Variants in EIF3A observed in about 807,000 individuals in gnomAD.
The protein encoded by EIF3A is eukaryotic translation initiation factor 3 subunit A, also known as EIF3, p180 subunit.
Under a neutral mutation model 186.6 loss-of-function variants are expected in EIF3A, and 21 were observed. The observed-to-expected ratio is 0.11, with a 90% confidence interval of 0.08 to 0.16. The LOEUF (loss-of-function observed/expected upper bound fraction) is 0.16. Among genes scored for constraint, EIF3A ranks in the 10% least tolerant of loss-of-function variants. EIF3A has a pLI of 1.00. For synonymous variants in EIF3A, 563 were observed against 584.3 expected, an observed-to-expected ratio of 0.96 and a Z score of 0.52; for missense variants, 1,306 against 1,796.3, an observed-to-expected ratio of 0.73 and a Z score of 4.93.
intron 18 of EIF3A, 51 bp downstream of exon 18, chr10:119,044,003 T>G: frequency 1.5e-6 from 2 of 1,318,074 alleles, no homozygotes; most frequent in Non-Finnish European, 2.2e-6. Flanking sequence ...AAACCACTGA[T>G]AAGATATTAA....
chr10:119,062,366 C>G (rs1358466100), intron 7 of EIF3A, among the ~76,000 whole-genome samples: 2 of 152,208 alleles, frequency 1.3e-5, no homozygotes, highest in Non-Finnish European at 2.9e-5. Flanking sequence ...TTAAAAGTCA[C>G]TCTTAGGAAT....
At chr10:119,074,977 T>C (rs1451231985) in intron 1 of EIF3A, among the ~76,000 whole-genome samples, 1 of 49,100 alleles carries the variant, frequency 2.0e-5, no homozygotes, top group Admixed American at 3.7e-4. Context: ...AATAACTTAT[T>C]TTTTTTCTTT....
At chr10:119,058,952 T>A (rs1262762701) in intron 11 of EIF3A, among the ~76,000 whole-genome samples, 1 of 152,178 alleles carries the variant, frequency 6.6e-6, no homozygotes, top group African/African-American at 2.4e-5. Context: ...ATTTGAGGAA[T>A]CCTATGTCCA....
At chr10:119,059,780 A>G in intron 9 of EIF3A, 62 bp from the exon 10 acceptor site, 3 of 1,059,744 alleles carry the variant, frequency 2.8e-6, no homozygotes, top group African/African-American at 1.6e-5. Flanking sequence ...TTTTATGTGC[A>G]ATCTCATGAC....
intron 1 of EIF3A, among the ~76,000 whole-genome samples, chr10:119,078,523 TTA>T (rs1205940261): frequency 6.6e-6 from 1 of 152,132 alleles, no homozygotes; most frequent in Admixed American, 6.5e-5. Flanking sequence ...GATCCTTCAC[TTA>T]TGTTTTGGAA....
intron 6 of EIF3A, among the ~76,000 whole-genome samples, chr10:119,067,607 A>G (rs1265070796): frequency 1.3e-5 from 2 of 152,214 alleles, no homozygotes; most frequent in East Asian, 3.8e-4. Context: ...GGAAAGAAAG[A>G]CCGTATCAGA....
chr10:119,050,982 A>G (rs1848348876), intron 15 of EIF3A, among the ~76,000 whole-genome samples: 1 of 152,248 alleles, frequency 6.6e-6, no homozygotes, highest in Admixed American at 6.5e-5. Flanking sequence ...CAAAAACAGT[A>G]AACAAAACTT....
At chr10:119,070,209 C>A (rs140078193) in intron 5 of EIF3A, among the ~76,000 whole-genome samples, 1 of 152,156 alleles carries the variant, frequency 6.6e-6, no homozygotes, top group African/African-American at 2.4e-5. Context: ...ATACAAAAGA[C>A]TTCAAGGTCA....
chr10:119,077,515 G>T lies in EIF3A; in HGVS notation c.49+3113C>A, dbSNP rs139420304. Among the ~76,000 whole-genome samples, 10 of 151,550 alleles carry T rather than the reference G, an allele frequency of 6.6e-5. No individual in the cohort carries two copies. The East Asian group carries it at 1.9e-3, about 29-fold the overall frequency. ...CATAATCCATGACAGTGAGTCTTCT[G>T]CCTTTGTCCTAATTTATATACAAGA... is the stretch of plus-strand genomic sequence containing the variant. On this transcript the variant is annotated intron_variant, in intron 1 of 21. Transcript: ENST00000369144.
intron 6 of EIF3A, among the ~76,000 whole-genome samples, chr10:119,068,544 T>C (rs1294713389): frequency 6.6e-6 from 1 of 151,868 alleles, no homozygotes; most frequent in Admixed American, 6.6e-5. Context: ...GGCATGGTGG[T>C]GCACACCTGT....
chr10:119,043,158 C>A (rs550967727), intron 18 of EIF3A, among the ~76,000 whole-genome samples: 34 of 152,252 alleles, frequency 2.2e-4, no homozygotes, highest in African/African-American at 7.5e-4. Flanking sequence ...GTGGCCCACA[C>A]CTGTAATCCC....
At chr10:119,073,290 TAC>T in intron 3 of EIF3A, 149 bp downstream of exon 3, 2 of 687,536 alleles carry the variant, frequency 2.9e-6, no homozygotes, top group South Asian at 4.2e-5. Flanking sequence ...TTTTATTACC[TAC>T]ATAAATTAAC....
chr10:119,039,808 G>A (rs766685570), intron 19 of EIF3A, among the ~76,000 whole-genome samples: 2 of 152,128 alleles, frequency 1.3e-5, no homozygotes, highest in Non-Finnish European at 2.9e-5. Flanking sequence ...CAATGGTAAT[G>A]AATCAACAAC....
chr10:119,059,160 G>A (rs764981750), intron 11 of EIF3A, 52 bp downstream of exon 11: 20 of 1,464,730 alleles, frequency 1.4e-5, no homozygotes, highest in African/African-American at 1.1e-4. Flanking sequence ...ATGGCATGGC[G>A]TTAAGAGTCC....
rs1327755980 is a variant in EIF3A at position 119,034,883 on chromosome 10, G to A, written c.*1156C>T. The A allele has an allele frequency of 1.3e-5, 2 of 152,292 alleles. No individual in the cohort carries two copies. The highest frequency in any genetic ancestry group is 1.9e-4 in the East Asian group (1 of 5,202). 9.4% of individuals were successfully genotyped at this position (152,292 alleles called of 1,614,324 possible). On this transcript the variant is annotated 3_prime_UTR_variant, in exon 22 of 22. Transcript: ENST00000369144. The stretch of plus-strand genomic sequence containing the variant: ...GAAGACATGTTAGGGGGACATCCTA[G>A]CCACATATGCTTTCTTTGTTATATT...
rs751726554 is a variant in EIF3A at position 119,042,514 on chromosome 10, G to A, written c.3006C>T (p.Ala1002=). The A allele has an allele frequency of 4.9e-5, 79 of 1,613,918 alleles. No individual in the cohort carries two copies. Among genetic ancestry groups the A allele is most frequent in the Middle Eastern group, 1.6e-4 (1 of 6,084 alleles). ...GACGCCAGTTTCCCCTGTCTTCATC[G>A]GCAATTCGTCTGGGAGGCCTGTCAT... is the stretch of plus-strand genomic sequence containing the variant. ...TDDDRPPRRI[A]DEDRGNWRHA... is the part of the protein sequence containing the mutation. The change falls in exon 19 of 22, where the codon GCC becomes GCT. Residue 1002 remains alanine, a synonymous_variant. Coordinates refer to ENST00000369144, the MANE Select transcript of EIF3A (RefSeq NM_003750.4). The surrounding 1 kb of genome is among the most constrained non-coding windows in gnomAD (Gnocchi z 7.8).
At chr10:119,074,984 CTTTTTT>C (rs113459869) in intron 1 of EIF3A, among the ~76,000 whole-genome samples, 7 of 105,230 alleles carry the variant, frequency 6.7e-5, no homozygotes, top group Non-Finnish European at 1.0e-4. Flanking sequence ...TATTTTTTTT[CTTTTTT>C]TTTTTTTTTG....
In EIF3A at chr10:119,068,120, A is replaced by AT. The variant is rs112018245; in HGVS notation, c.950+1325dup. 3.5e-4 allele frequency among the ~76,000 whole-genome samples: 52 copies of AT among 150,160 alleles called. No individual in the cohort carries two copies. The South Asian group carries it at 8.0e-3, about 23-fold the overall frequency. On this transcript the variant is annotated intron_variant, in intron 6 of 21. Coordinates refer to ENST00000369144, the MANE Select transcript of EIF3A (RefSeq NM_003750.4). ...AGTCACTGCGCCAGGCCAGAAATGT[A>AT]TTTTTTTTTTAAGTGACAGAAAACA...
chr10:119,049,723 G>C (rs749038282), intron 17 of EIF3A, 78 bp downstream of exon 17: 1 of 1,314,520 alleles, frequency 7.6e-7, no homozygotes, highest in African/African-American at 1.5e-5. Flanking sequence ...CAACCTGGGC[G>C]ACAGAGCAAG....
Sources: allele counts gnomAD v4.1 joint callset (sites outside exome capture counted in the v4.1 genomes callset), GRCh38; gene constraint gnomAD v4.1.1; non-coding constraint Gnocchi (gnomAD v3.1); transcripts MANE v1.5; gene names NCBI Gene and HGNC (gene_info 2026-07-23, HGNC 2026-07-21).